The following DYNC1I1 variants were observed in gnomAD, a reference collection of about 807,000 sequenced individuals.
DYNC1I1 encodes the protein cytoplasmic dynein 1 intermediate chain 1.
A neutral mutation model predicts 86.6 loss-of-function variants in DYNC1I1; 43 were observed. The observed-to-expected ratio is 0.50, with a 90% CI of 0.39 to 0.64. DYNC1I1 has a LOEUF of 0.64. DYNC1I1 is among the 30% of genes least tolerant of loss of function. The probability of loss-of-function intolerance (pLI) is 0.00; values close to 1 mark genes in which losing one functional copy is unlikely to be tolerated. For synonymous variants in DYNC1I1, 262 were observed against 283.7 expected (o/e 0.92, Z 0.77); for missense variants, 604 against 788.8 (o/e 0.77, Z 2.81).
At chr7:95,841,244 T>C (rs1290372645) in intron 5 of DYNC1I1, among the ~76,000 whole-genome samples, 1 of 152,118 alleles carries the variant, frequency 6.6e-6, no homozygotes, top group Non-Finnish European at 1.5e-5. Context: ...TCTGGAATGA[T>C]TTGTGGGGAG....
chr7:95,851,970 C>T (rs867201902), intron 5 of DYNC1I1, among the ~76,000 whole-genome samples: 7 of 152,212 alleles, frequency 4.6e-5, no homozygotes, highest in Middle Eastern at 3.4e-3. Flanking sequence ...AGCCAGTTTT[C>T]TTTTTTCAAT....
intron 6 of DYNC1I1, among the ~76,000 whole-genome samples, chr7:95,888,928 G>A (rs568421693): frequency 1.7e-4 from 26 of 152,238 alleles, no homozygotes; most frequent in South Asian, 4.1e-4. Flanking sequence ...CTGAAGTAAC[G>A]TGACACAAGG....
chr7:95,858,566 G>A (rs1040043044), intron 5 of DYNC1I1, among the ~76,000 whole-genome samples: 5 of 151,680 alleles, frequency 3.3e-5, no homozygotes, highest in East Asian at 1.9e-4. Flanking sequence ...TATATGACTG[G>A]CAGTGCAGTG....
At chr7:95,890,880 T>C (rs975094018) in intron 6 of DYNC1I1, among the ~76,000 whole-genome samples, 2 of 152,150 alleles carry the variant, frequency 1.3e-5, no homozygotes, top group Admixed American at 6.5e-5. Context: ...TAGAAAAAAA[T>C]CTATGATGTA....
At chr7:95,975,590 T>C (rs1187937567) in intron 6 of DYNC1I1, among the ~76,000 whole-genome samples, 2 of 152,186 alleles carry the variant, frequency 1.3e-5, no homozygotes, top group Non-Finnish European at 2.9e-5. Flanking sequence ...ATATCTGCAG[T>C]GACCCTATTT....
At chr7:96,103,201 G>A (rs1428804393), downstream of DYNC1I1, among the ~76,000 whole-genome samples, 1 of 152,138 alleles carries the variant, frequency 6.6e-6, no homozygotes, top group Non-Finnish European at 1.5e-5. Context: ...GTTTACATAT[G>A]GGTTAGTTCA....
chr7:95,978,411 A>G (rs1399944828), intron 7 of DYNC1I1, among the ~76,000 whole-genome samples: 1 of 152,200 alleles, frequency 6.6e-6, no homozygotes, highest in Non-Finnish European at 1.5e-5. Context: ...TGCAGGTGAC[A>G]TTTCCTTACA....
At chr7:95,976,091 A>G (rs549639576) in intron 6 of DYNC1I1, among the ~76,000 whole-genome samples, 178 of 152,284 alleles carry the variant, frequency 1.2e-3, no homozygotes, top group African/African-American at 4.1e-3. Context: ...GTTCTTTTCA[A>G]AATTTTAGGT....
intron 9 of DYNC1I1, among the ~76,000 whole-genome samples, chr7:95,994,998 A>G (rs1988399): frequency 0.72 from 108,394 of 151,424 alleles, 39,379 homozygotes; most frequent in African/African-American, 0.83. Context: ...CTGTAATCCC[A>G]GCACTTTGAG....
At chr7:95,837,465 G>T (rs556224391) in intron 5 of DYNC1I1, among the ~76,000 whole-genome samples, 7 of 152,088 alleles carry the variant, frequency 4.6e-5, no homozygotes, top group African/African-American at 1.7e-4. Context: ...ACAGAGGCAG[G>T]CAGGCCTCCT....
At chr7:96,084,432 T>TTTTC (rs1790616564) in intron 16 of DYNC1I1, among the ~76,000 whole-genome samples, 1 of 145,878 alleles carries the variant, frequency 6.9e-6, no homozygotes, top group African/African-American at 2.5e-5. Context: ...TTTCTCTTTT[T>TTTTC]TTTTCTTTTC....
At chr7:95,899,700 T>A (rs188879110) in intron 6 of DYNC1I1, among the ~76,000 whole-genome samples, 41 of 152,326 alleles carry the variant, frequency 2.7e-4, no homozygotes, top group African/African-American at 8.4e-4. Flanking sequence ...ATGTGGAGTG[T>A]GTTAGAAACC....
At chr7:95,960,787 G>T (rs1232379546) in intron 6 of DYNC1I1, among the ~76,000 whole-genome samples, 1 of 152,208 alleles carries the variant, frequency 6.6e-6, no homozygotes, top group Non-Finnish European at 1.5e-5. Flanking sequence ...AATACAAGCA[G>T]CCAAGCCTGT....
Position 96,035,623 on chromosome 7 carries a change from G to T in DYNC1I1, c.1235G>T (p.Ser412Ile). Residue 412 changes from serine to isoleucine, a missense_variant, in exon 13 of 17, where the codon AGC (serine) becomes ATC (isoleucine). Ser to Ile is a moderately radical substitution (Grantham distance 142). Coordinates refer to ENST00000447467, the MANE Select transcript of DYNC1I1 (RefSeq NM_001135556.2). ...AACCACACCGTGTTTTGGTAGGAGA[G>T]CATGGAGCTGGTGTACAATAAGTCC... ...SLDMLSTPQESMELVYNKSKP... is the reference protein window; with the variant it reads ...SLDMLSTPQEIMELVYNKSKP... 6.3e-7 allele frequency: 1 copy of T among 1,586,022 alleles called. No homozygotes were observed. The highest frequency in any genetic ancestry group is 1.2e-5 in the South Asian group (1 of 86,012).
At chr7:95,844,871 C>A (rs1789385155) in intron 5 of DYNC1I1, among the ~76,000 whole-genome samples, 3 of 152,196 alleles carry the variant, frequency 2.0e-5, no homozygotes, top group Non-Finnish European at 4.4e-5. Flanking sequence ...AATCGTTTAA[C>A]TATCCCTACA....
intron 5 of DYNC1I1, among the ~76,000 whole-genome samples, chr7:95,843,359 T>G (rs1789339993): frequency 1.3e-5 from 2 of 152,176 alleles, no homozygotes; most frequent in South Asian, 2.1e-4. Context: ...CAACTCTGTC[T>G]CTACAACTTA....
intron 14 of DYNC1I1, among the ~76,000 whole-genome samples, chr7:96,045,078 A>C (rs1789169526): frequency 6.6e-6 from 1 of 152,212 alleles, no homozygotes; most frequent in African/African-American, 2.4e-5. Flanking sequence ...CTGATGTTAT[A>C]GGCTAAGGAT....
intron 5 of DYNC1I1, among the ~76,000 whole-genome samples, chr7:95,848,321 T>G (rs1353348310): frequency 6.6e-6 from 1 of 151,452 alleles, no homozygotes. Context: ...ATACAATAGA[T>G]CTCTTGAACT....
At chr7:96,063,083 ATG>A (rs1171713223) in intron 14 of DYNC1I1, among the ~76,000 whole-genome samples, 49 of 142,734 alleles carry the variant, frequency 3.4e-4, no homozygotes, top group Admixed American at 6.2e-4. Flanking sequence ...ATATATGTGT[ATG>A]TGTGTGTGTG....
Sources: gnomAD v4.1 joint callset for allele counts (sites outside exome capture counted in the v4.1 genomes callset) on GRCh38, gnomAD v4.1.1 for gene constraint, MANE v1.5 for transcripts, NCBI Gene and HGNC (gene_info 2026-07-23, HGNC 2026-07-21) for gene names.